Variants in GRIN3A observed in about 807,000 individuals in gnomAD.
GRIN3A encodes glutamate receptor ionotropic, NMDA 3A.
A neutral mutation model predicts 92.4 loss-of-function variants in GRIN3A; 47 were observed. The observed-to-expected ratio is 0.51, with a 90% CI of 0.40 to 0.65. GRIN3A has a LOEUF of 0.65. GRIN3A is among the 30% of genes least tolerant of loss of function. GRIN3A has a pLI of 0.00. For missense variants in GRIN3A, 1,324 were observed against 1,393.1 expected (o/e 0.95, Z 0.79); for synonymous variants, 527 against 540.6 (o/e 0.97, Z 0.35).
At chr9:101,601,149 A>T (rs1217537848) in intron 6 of GRIN3A, 2 of 152,206 alleles carry the variant, frequency 1.3e-5, no homozygotes, top group African/African-American at 4.8e-5. Context: ...TACCATAATC[A>T]CAGAAGTGGG....
chr9:101,573,324 G>A lies in GRIN3A; in HGVS notation c.3198C>T (p.Asp1066=). The change falls in exon 9 of 9, where the codon GAC becomes GAT. Residue 1066 remains aspartate (D), a synonymous_variant. Transcript: ENST00000361820. ...CTGAGTTCCGAGATACATTTAGGGA[G>A]TCTGCTTTCCCATTGGTGGTCCGCA... The part of the protein sequence containing the change: ...PALRTTNGKA[D]SLNVSRNSVM... 2 of 1,614,122 alleles carry A rather than the reference G, an allele frequency of 1.2e-6. No individual in the cohort carries two copies. Among genetic ancestry groups the A allele is most frequent in the Non-Finnish European group, 1.7e-6 (2 of 1,179,998 alleles).
intron 3 of GRIN3A, among the ~76,000 whole-genome samples, chr9:101,629,386 A>G (rs59621383): frequency 0.28 from 42,725 of 152,064 alleles, 6,476 homozygotes; most frequent in East Asian, 0.46. Flanking sequence ...TACCATGTTT[A>G]CAAGTATAAA....
intron 3 of GRIN3A, among the ~76,000 whole-genome samples, chr9:101,643,105 G>C (rs1186611073): frequency 1.3e-5 from 2 of 152,050 alleles, no homozygotes; most frequent in Non-Finnish European, 2.9e-5. Context: ...CATGAAACTG[G>C]TCTCTGGTGC....
intron 3 of GRIN3A, among the ~76,000 whole-genome samples, chr9:101,636,071 A>C (rs1029175196): frequency 1.3e-5 from 2 of 152,088 alleles, no homozygotes; most frequent in Non-Finnish European, 2.9e-5. Context: ...TTAGAAGAGA[A>C]GAGGTTTCAC....
At chr9:101,604,303 T>C (rs1321243860) in intron 6 of GRIN3A, among the ~76,000 whole-genome samples, 1 of 152,152 alleles carries the variant, frequency 6.6e-6, no homozygotes, top group East Asian at 1.9e-4. Context: ...AATTTGGAAA[T>C]TGTTCTTGTA....
At chr9:101,640,082 A>C (rs1016429) in intron 3 of GRIN3A, among the ~76,000 whole-genome samples, 15,350 of 152,200 alleles carry the variant, frequency 0.1, 923 homozygotes, top group Middle Eastern at 0.17. Context: ...GAATAACTAC[A>C]TTTAGGAATA....
intron 6 of GRIN3A, chr9:101,594,973 G>T: frequency 6.4e-7 from 1 of 1,565,456 alleles, no homozygotes; most frequent in Non-Finnish European, 8.6e-7. Flanking sequence ...GGGGAGCAGG[G>T]GCGGTGAGCT....
At position 101,693,702 on chromosome 9, in the gene GRIN3A, C is replaced by T. The variant is rs1039030863; in HGVS notation, c.700-6502G>A. On this transcript the variant is annotated intron_variant, in intron 1 of 8. Transcript: ENST00000361820. ...AGTCTCCAGCCTGCTGCCCAGTGTGCACATGGCTTCCCAGCTGTTTTCTTC... is the reference window on the plus strand; with the variant it reads ...AGTCTCCAGCCTGCTGCCCAGTGTGTACATGGCTTCCCAGCTGTTTTCTTC... 2.0e-5 allele frequency among the ~76,000 whole-genome samples: 3 copies of T among 152,240 alleles called. No homozygotes were observed. The South Asian group carries it at 6.2e-4, about 32-fold the overall frequency.
chr9:101,674,567 A>G (rs1390142796), intron 2 of GRIN3A, among the ~76,000 whole-genome samples: 1 of 152,128 alleles, frequency 6.6e-6, no homozygotes, highest in Non-Finnish European at 1.5e-5. Flanking sequence ...AAGGTCATAT[A>G]AATAAGACCT....
intron 6 of GRIN3A, among the ~76,000 whole-genome samples, chr9:101,606,169 G>C (rs1019721532): frequency 6.6e-6 from 1 of 152,174 alleles, no homozygotes; most frequent in Admixed American, 6.5e-5. Flanking sequence ...CAGACAGTTG[G>C]GTTGCGGCCA....
At chr9:101,580,440 T>G (rs6479055) in intron 6 of GRIN3A, among the ~76,000 whole-genome samples, 29,001 of 151,992 alleles carry the variant, frequency 0.19, 3,395 homozygotes, top group African/African-American at 0.32. Flanking sequence ...GAGATAGAGA[T>G]AGAGAATTGA....
intron 1 of GRIN3A, among the ~76,000 whole-genome samples, chr9:101,725,841 G>T (rs1830077183): frequency 6.6e-6 from 1 of 152,142 alleles, no homozygotes; most frequent in African/African-American, 2.4e-5. Context: ...GATTTTATGG[G>T]TCACTCCTTA....
chr9:101,624,969 G>A (rs964594377), intron 4 of GRIN3A, among the ~76,000 whole-genome samples: 4 of 152,162 alleles, frequency 2.6e-5, no homozygotes, highest in African/African-American at 9.7e-5. Context: ...ATCAGTGAGA[G>A]TAGAAGAGGG....
intron 1 of GRIN3A, among the ~76,000 whole-genome samples, chr9:101,693,763 G>T (rs553983929): frequency 2.6e-5 from 4 of 152,086 alleles, no homozygotes; most frequent in Non-Finnish European, 5.9e-5. Flanking sequence ...CTTGTGAAAT[G>T]ATGAAACTTG....
intron 6 of GRIN3A, among the ~76,000 whole-genome samples, chr9:101,585,238 C>T (rs1250868346): frequency 6.6e-6 from 1 of 152,172 alleles, no homozygotes; most frequent in African/African-American, 2.4e-5. Context: ...GGTATAGTTT[C>T]TTAACTTTGT....
chr9:101,594,126 C>T (rs1012276035), intron 6 of GRIN3A: 77 of 354,184 alleles, frequency 2.2e-4, no homozygotes, highest in Non-Finnish European at 6.1e-5. Context: ...CTAGTTTGGT[C>T]TTTGAATCAA....
intron 2 of GRIN3A, among the ~76,000 whole-genome samples, chr9:101,672,563 C>G (rs1829342017): frequency 6.6e-6 from 1 of 151,912 alleles, no homozygotes; most frequent in Non-Finnish European, 1.5e-5. Flanking sequence ...ACATATTCAC[C>G]CATTGCCTGT....
In GRIN3A at chr9:101,571,349, T is replaced by A. The variant is rs1827757606; in HGVS notation, c.*1825A>T. 1 of 152,142 alleles carries A rather than the reference T, an allele frequency of 6.6e-6. No individual in the cohort carries two copies. Among genetic ancestry groups the A allele is most frequent in the South Asian group, 2.1e-4 (1 of 4,824 alleles). The allele number at this position is 152,142 out of a possible 1,614,324, so 9.4% of individuals were successfully genotyped here. A position where few individuals can be genotyped will look rare whatever the true frequency, so the allele number is the denominator to read the frequency against. The stretch of plus-strand genomic sequence containing the variant: ...ACAGCTTAAGTTGTTATTCCCTGGG[T>A]GACTGGGTAGATTTTGGTGGAAATG... On this transcript the variant is annotated 3_prime_UTR_variant, in exon 9 of 9. Transcript: ENST00000361820.
intron 6 of GRIN3A, among the ~76,000 whole-genome samples, chr9:101,587,293 G>C (rs954887294): frequency 4.1e-4 from 59 of 145,626 alleles, no homozygotes; most frequent in African/African-American, 1.4e-3. Flanking sequence ...CTGGGCAACA[G>C]AGCGAGACTC....
Sources: gnomAD v4.1 joint callset for allele counts (sites outside exome capture counted in the v4.1 genomes callset) on GRCh38, gnomAD v4.1.1 for gene constraint, MANE v1.5 for transcripts, NCBI Gene and HGNC (gene_info 2026-07-23, HGNC 2026-07-21) for gene names.